The following SLC30A8 variants were observed in gnomAD, a reference collection of about 807,000 sequenced individuals.
The protein encoded by SLC30A8 is solute carrier family 30 member 8, also known as proton-coupled zinc antiporter SLC30A8.
SLC30A8 carries 27 observed loss-of-function variants against 36.9 expected under a neutral mutation model. That is an observed-to-expected ratio of 0.73 (90% CI 0.54 to 1.01). The LOEUF (loss-of-function observed/expected upper bound fraction) is 1.01, where lower values mean the gene tolerates loss of function less well. SLC30A8 is among the 50% of genes least tolerant of loss of function. SLC30A8 has a pLI of 0.00. For missense variants in SLC30A8, 439 were observed against 452.0 expected, an observed-to-expected ratio of 0.97 and a Z score of 0.26; for synonymous variants, 164 against 172.4, an observed-to-expected ratio of 0.95 and a Z score of 0.38.
chr8:117,063,162 G>A (rs1441005907), intron 2 of SLC30A8, among the ~76,000 whole-genome samples: 1 of 152,170 alleles, frequency 6.6e-6, no homozygotes, highest in Non-Finnish European at 1.5e-5. Flanking sequence ...GAATTGCTTT[G>A]GATGGCTGCT....
intron 2 of SLC30A8, among the ~76,000 whole-genome samples, chr8:117,043,771 C>T (rs1014122733): frequency 2.6e-5 from 4 of 152,072 alleles, no homozygotes; most frequent in Non-Finnish European, 5.9e-5. Context: ...TTGAAAATGG[C>T]GTACTGAAAT....
chr8:117,032,599 T>C lies in SLC30A8; in HGVS notation c.-265-6620T>C, dbSNP rs187582011. On this transcript the variant is annotated intron_variant, in intron 1 of 10. Transcript: ENST00000427715. ...TTCTAAAACTCTTTAGAAAGACTTG[T>C]TAACCTTTGGCTGAGTGCAGTGGCT... is the stretch of plus-strand genomic sequence containing the variant. Among the ~76,000 whole-genome samples, 28 of 152,242 alleles carry C rather than the reference T, an allele frequency of 1.8e-4. 1 individual carries two copies. The highest frequency in any genetic ancestry group is 6.5e-4 in the African/African-American group (27 of 41,566).
intron 2 of SLC30A8, among the ~76,000 whole-genome samples, chr8:117,069,824 G>A (rs190146800): frequency 4.6e-5 from 7 of 152,292 alleles, no homozygotes; most frequent in African/African-American, 1.7e-4. Flanking sequence ...AGGGGTGGGC[G>A]GGCACACTGG....
intron 1 of SLC30A8, among the ~76,000 whole-genome samples, chr8:117,016,441 CAG>C (rs990960494): frequency 7.2e-5 from 11 of 152,244 alleles, no homozygotes; most frequent in South Asian, 4.1e-4. Flanking sequence ...CAGGAAAAGA[CAG>C]GGGCAAAGAA....
chr8:117,094,565 G>A lies in SLC30A8; in HGVS notation c.-225-40715G>A, dbSNP rs531643838. ...GCTGTTTGAGTCTGGCTGAGTTGGA[G>A]CTTTTATGGGCCTCAGAGGGGAATA... On this transcript the variant is annotated intron_variant, in intron 2 of 10. Transcript: ENST00000427715. 9.2e-5 allele frequency among the ~76,000 whole-genome samples: 14 copies of A among 152,310 alleles called. No individual in the cohort carries two copies. The East Asian group carries it at 1.6e-3, about 17-fold the overall frequency.
intron 2 of SLC30A8, among the ~76,000 whole-genome samples, chr8:117,119,712 G>A (rs892152186): frequency 1.3e-5 from 2 of 151,916 alleles, no homozygotes; most frequent in Non-Finnish European, 2.9e-5. Context: ...GATGGTAGAA[G>A]CTATAGTAGT....
At chr8:117,082,944 A>T (rs1292614480) in intron 2 of SLC30A8, among the ~76,000 whole-genome samples, 1 of 152,194 alleles carries the variant, frequency 6.6e-6, no homozygotes, top group African/African-American at 2.4e-5. Context: ...CAGACAAGTG[A>T]TTACAAAGTC....
At chr8:117,061,049 A>C (rs925903067) in intron 2 of SLC30A8, among the ~76,000 whole-genome samples, 10 of 152,144 alleles carry the variant, frequency 6.6e-5, no homozygotes, top group African/African-American at 2.4e-4. Flanking sequence ...TTTATTCAGC[A>C]AGCCTGCTCA....
chr8:117,083,670 C>T (rs754961518), intron 2 of SLC30A8, among the ~76,000 whole-genome samples: 11 of 152,268 alleles, frequency 7.2e-5, no homozygotes, highest in Non-Finnish European at 1.3e-4. Flanking sequence ...AGACACTTTC[C>T]TTCTGCTGAT....
At chr8:117,017,553 T>G (rs1277914785) in intron 1 of SLC30A8, among the ~76,000 whole-genome samples, 2 of 152,186 alleles carry the variant, frequency 1.3e-5, no homozygotes, top group African/African-American at 2.4e-5. Context: ...CAAATTGACG[T>G]GGAGCCACAG....
chr8:116,972,527 T>G (rs770747147), intron 1 of SLC30A8, among the ~76,000 whole-genome samples: 5 of 152,238 alleles, frequency 3.3e-5, no homozygotes, highest in Non-Finnish European at 7.3e-5. Context: ...GTTTTTCACC[T>G]TCAGCAGACC....
chr8:117,050,649 G>A (rs1404373363), intron 2 of SLC30A8, among the ~76,000 whole-genome samples: 16 of 152,216 alleles, frequency 1.1e-4, no homozygotes, highest in African/African-American at 2.4e-4. Context: ...CAGGTGATCC[G>A]CCCTCTTTGG....
rs1330653351 is a variant in SLC30A8 at position 117,175,152 on chromosome 8, A to G, written c.*2471A>G. The G allele has an allele frequency of 1.3e-5, 2 of 152,062 alleles. No homozygotes were observed. The highest frequency in any genetic ancestry group is 4.8e-5 in the African/African-American group (2 of 41,414). The allele number at this position is 152,062 out of a possible 1,614,324, so 9.4% of individuals were successfully genotyped here. A position where few individuals can be genotyped will look rare whatever the true frequency, so the allele number is the denominator to read the frequency against. On this transcript the variant is annotated 3_prime_UTR_variant, in exon 8 of 8. Transcript: ENST00000456015. ...TGTTATACTTTAAGTTCTGGGGTACATGTGCGGAACATGTAGGTTTGTTAC... is the reference window on the plus strand; with the variant it reads ...TGTTATACTTTAAGTTCTGGGGTACGTGTGCGGAACATGTAGGTTTGTTAC...
chr8:117,002,918 T>A (rs932488689), intron 1 of SLC30A8, among the ~76,000 whole-genome samples: 3 of 152,214 alleles, frequency 2.0e-5, no homozygotes, highest in Non-Finnish European at 2.9e-5. Flanking sequence ...ATGTTATTTT[T>A]TTTTAGCATC....
Position 117,152,166 on chromosome 8 carries a change from A to G in SLC30A8, c.272-778A>G, listed in dbSNP as rs543869585. Among the ~76,000 whole-genome samples the G allele has an allele frequency of 2.0e-5, 3 of 152,372 alleles. No homozygotes were observed. The East Asian group carries it at 5.8e-4, about 29-fold the overall frequency. The stretch of plus-strand genomic sequence containing the variant: ...AGCCCTTTGCTGGGAAGATGTAGTA[A>G]GAGCAATAAAGGTTATTGCTCTCAA... On this transcript the variant is annotated intron_variant, in intron 2 of 7. Coordinates refer to ENST00000456015, the MANE Select transcript of SLC30A8 (RefSeq NM_173851.3).
At chr8:116,996,561 C>T (rs143541382) in intron 1 of SLC30A8, among the ~76,000 whole-genome samples, 3 of 152,230 alleles carry the variant, frequency 2.0e-5, no homozygotes, top group Non-Finnish European at 4.4e-5. Flanking sequence ...CTTTCTGTCT[C>T]TTTGTCTCTA....
At chr8:116,975,957 A>G (rs1254169512) in intron 1 of SLC30A8, among the ~76,000 whole-genome samples, 1 of 152,184 alleles carries the variant, frequency 6.6e-6, no homozygotes. Context: ...AAGCCTTAAC[A>G]AGACAGCTCC....
intron 1 of SLC30A8, among the ~76,000 whole-genome samples, chr8:117,027,343 C>A (rs1816907707): frequency 6.6e-6 from 1 of 152,166 alleles, no homozygotes; most frequent in Non-Finnish European, 1.5e-5. Context: ...CTCTTTCTTG[C>A]CCCAGATCCT....
chr8:116,981,433 G>T (rs935357417), intron 1 of SLC30A8, among the ~76,000 whole-genome samples: 2 of 152,168 alleles, frequency 1.3e-5, no homozygotes, highest in Admixed American at 6.5e-5. Flanking sequence ...TTATATTTTA[G>T]ATTCAAGAGT....
Sources: gnomAD v4.1 joint callset for allele counts (sites outside exome capture counted in the v4.1 genomes callset) on GRCh38, gnomAD v4.1.1 for gene constraint, MANE v1.5 for transcripts, NCBI Gene and HGNC (gene_info 2026-07-23, HGNC 2026-07-21) for gene names.